Variants in CHIA observed in about 807,000 individuals in gnomAD.
The protein encoded by CHIA is chitinase acidic.
Under a neutral mutation model 53.5 loss-of-function variants are expected in CHIA, and 47 were observed. That is an observed-to-expected ratio of 0.88 (90% CI 0.70 to 1.12). CHIA has a LOEUF of 1.12. Ranked by LOEUF, CHIA falls within the 50% of genes most tolerant of loss-of-function variation. The probability of loss-of-function intolerance (pLI) is 0.00; values close to 1 mark genes in which losing one functional copy is unlikely to be tolerated. For synonymous variants in CHIA, 268 were observed against 222.2 expected (o/e 1.21, Z -1.83); for missense variants, 652 against 592.2 (o/e 1.10, Z -1.05).
At chr1:111,295,982 C>A (rs570826516) in intron 1 of CHIA, among the ~76,000 whole-genome samples, 1 of 152,214 alleles carries the variant, frequency 6.6e-6, no homozygotes, top group Non-Finnish European at 1.5e-5. Context: ...TGAGATTGAC[C>A]TGTGAGGCAG....
At chr1:111,318,709 G>A (rs1461455517) in intron 9 of CHIA, 31 bp downstream of exon 9, 2 of 1,595,242 alleles carry the variant, frequency 1.3e-6, no homozygotes, top group African/African-American at 2.7e-5. Context: ...AGTGCTCTGT[G>A]AATTCCGTGC....
At chr1:111,292,550 T>C (rs1013918274) in intron 1 of CHIA, among the ~76,000 whole-genome samples, 7 of 152,256 alleles carry the variant, frequency 4.6e-5, no homozygotes, top group African/African-American at 1.7e-4. Flanking sequence ...GTTATCTTTT[T>C]TTCCATGTTT....
intron 1 of CHIA, among the ~76,000 whole-genome samples, chr1:111,298,144 G>A (rs892955149): frequency 6.6e-6 from 1 of 151,820 alleles, no homozygotes; most frequent in Non-Finnish European, 1.5e-5. Flanking sequence ...CAATAATAAT[G>A]GGAGACTTTA....
At chr1:111,304,747 C>T (rs960668793) in intron 1 of CHIA, among the ~76,000 whole-genome samples, 1 of 151,976 alleles carries the variant, frequency 6.6e-6, no homozygotes, top group Non-Finnish European at 1.5e-5. Context: ...AGAGACATTT[C>T]TGTTGATTTA....
chr1:111,317,892 C>A lies in CHIA; in HGVS notation c.605+87C>A, dbSNP rs1649294462. On this transcript the variant is annotated intron_variant, in intron 7 of 11. Coordinates refer to ENST00000369740, the MANE Select transcript of CHIA (RefSeq NM_201653.4). ...CTTGGTCTGGCTTGCTATTCAGGGA[C>A]CTTGTTTAGGAGACTTTAGAAGTGG... The A allele has an allele frequency of 3.1e-6, 5 of 1,609,750 alleles. No homozygotes were observed. In the South Asian group the frequency reaches 5.5e-5, roughly 18 times the overall value.
intron 1 of CHIA, among the ~76,000 whole-genome samples, chr1:111,303,560 C>T (rs1647935903): frequency 6.6e-6 from 1 of 151,886 alleles, no homozygotes; most frequent in South Asian, 2.1e-4. Context: ...ATTTAATATC[C>T]TAAGGTTATA....
In CHIA at chr1:111,317,609, A is replaced by T. The variant is rs1649260781; in HGVS notation, c.481-72A>T. The T allele has an allele frequency of 1.2e-5, 19 of 1,529,424 alleles. No individual in the cohort carries two copies. In the Admixed American group the frequency reaches 3.0e-4, roughly 24 times the overall value. 94.7% of individuals were successfully genotyped at this position (1,529,424 alleles called of 1,614,324 possible). ...AGAGAGAGAAGCATTATACAGACAT[A>T]TGTTTATTAGTATTATTTAAGGAGC... On this transcript the variant is annotated intron_variant, in intron 6 of 11. Transcript: ENST00000369740.
intron 3 of CHIA, 84 bp downstream of exon 3, chr1:111,311,802 C>T: frequency 7.0e-7 from 1 of 1,426,506 alleles, no homozygotes; most frequent in Non-Finnish European, 9.9e-7. Context: ...CTGTTTGCTT[C>T]ACAGACAGAT....
At chr1:111,306,843 A>C (rs902362983) in intron 1 of CHIA, among the ~76,000 whole-genome samples, 1 of 152,210 alleles carries the variant, frequency 6.6e-6, no homozygotes, top group Non-Finnish European at 1.5e-5. Flanking sequence ...AAATGTCAAA[A>C]ATGCTCAACC....
At position 111,320,291 on chromosome 1, in the gene CHIA, G is replaced by T. The variant is rs2101658056; in HGVS notation, c.1256G>T (p.Ser419Ile). The T allele has an allele frequency of 6.2e-7, 1 of 1,614,246 alleles. No individual in the cohort carries two copies. The highest frequency in any genetic ancestry group is 8.5e-7 in the Non-Finnish European group (1 of 1,180,040). Residue 419 changes from serine to isoleucine, a missense_variant, in exon 12 of 12, where the codon AGC becomes ATC. Coordinates refer to ENST00000369740, the MANE Select transcript of CHIA (RefSeq NM_201653.4). ...AGCGGGAACGGGAGCGGGAGTAGCA[G>T]CTCTGGAGGCAGCTCGGGAGGCAGT... The part of the protein sequence containing the change: ...SGSGNGSGSS[S>I]SGGSSGGSGF...
At chr1:111,291,527 G>C (rs11576566) in intron 1 of CHIA, among the ~76,000 whole-genome samples, 5,888 of 151,648 alleles carry the variant, frequency 0.039, 186 homozygotes, top group East Asian at 0.12. Context: ...TGGGGGCAAG[G>C]GGGGGAGAGC....
intron 1 of CHIA, among the ~76,000 whole-genome samples, chr1:111,300,805 T>C (rs1647661490): frequency 6.6e-6 from 1 of 152,078 alleles, no homozygotes; most frequent in East Asian, 1.9e-4. Flanking sequence ...ACCTACAGAA[T>C]GGGAGGAAAT....
At chr1:111,296,975 G>A (rs150793081) in intron 1 of CHIA, among the ~76,000 whole-genome samples, 6 of 152,302 alleles carry the variant, frequency 3.9e-5, no homozygotes, top group Non-Finnish European at 7.3e-5. Context: ...AAGGGTATCC[G>A]TGATTGAAGA....
At chr1:111,300,199 A>T (rs1448756055) in intron 1 of CHIA, among the ~76,000 whole-genome samples, 1 of 152,168 alleles carries the variant, frequency 6.6e-6, no homozygotes, top group African/African-American at 2.4e-5. Flanking sequence ...TCCAGCTACC[A>T]ATGACTTTCT....
intron 1 of CHIA, among the ~76,000 whole-genome samples, chr1:111,296,846 C>G (rs929779229): frequency 6.6e-6 from 1 of 152,172 alleles, no homozygotes; most frequent in Admixed American, 6.5e-5. Flanking sequence ...AGACGAATGG[C>G]TAACCAGAAT....
At chr1:111,296,399 C>T (rs554381197) in intron 1 of CHIA, among the ~76,000 whole-genome samples, 105 of 152,264 alleles carry the variant, frequency 6.9e-4, no homozygotes, top group African/African-American at 2.1e-3. Context: ...TTTGCTGTTC[C>T]GCAGCCTCCA....
At position 111,300,028 on chromosome 1, in the gene CHIA, T is replaced by C. The variant is rs532217450; in HGVS notation, c.-69+9078T>C. ...ACCTAGGAACTCAACTTACAAGAGA[T>C]GTGAAGGACCTCTTCAAGGAGAACT... On this transcript the variant is annotated intron_variant, in intron 1 of 11. Transcript: ENST00000369740. Among the ~76,000 whole-genome samples the C allele has an allele frequency of 1.1e-3, 161 of 152,252 alleles. 1 individual carries two copies. The highest frequency in any genetic ancestry group is 4.4e-3 in the South Asian group (21 of 4,816).
chr1:111,314,890 G>A (rs12076798), intron 5 of CHIA: 48,491 of 418,320 alleles, frequency 0.12, 3,247 homozygotes, highest in African/African-American at 0.17. Flanking sequence ...CCTGAGGACA[G>A]TGTTATAATG....
At chr1:111,297,931 A>T (rs1647335516) in intron 1 of CHIA, among the ~76,000 whole-genome samples, 1 of 140,464 alleles carries the variant, frequency 7.1e-6, no homozygotes, top group African/African-American at 2.6e-5. Flanking sequence ...AAAAACAAGC[A>T]GGGGTTGTAA....
Sources: gnomAD v4.1 joint callset for allele counts (sites outside exome capture counted in the v4.1 genomes callset) on GRCh38, gnomAD v4.1.1 for gene constraint, MANE v1.5 for transcripts, NCBI Gene and HGNC (gene_info 2026-07-23, HGNC 2026-07-21) for gene names.